Variants in LRRC20 observed in about 807,000 individuals in gnomAD.
LRRC20 encodes leucine rich repeat containing 20.
In LRRC20, 11 loss-of-function variants were observed where a neutral mutation model predicts 14.4. That is an observed-to-expected ratio of 0.77 (90% CI 0.48 to 1.27). LRRC20 has a LOEUF of 1.27. LRRC20 is among the 50% of genes most tolerant of loss of function. The pLI is 0.00. For missense variants in LRRC20, 219 were observed against 251.2 expected (o/e 0.87, Z 0.87); for synonymous variants, 121 against 107.3 (o/e 1.13, Z -0.79).
At chr10:70,339,052 T>C (rs1842817203) in intron 3 of LRRC20, among the ~76,000 whole-genome samples, 1 of 152,172 alleles carries the variant, frequency 6.6e-6, no homozygotes, top group Admixed American at 6.5e-5. Context: ...GTTTAACCAT[T>C]TGAGGAACTG....
intron 2 of LRRC20, among the ~76,000 whole-genome samples, chr10:70,356,722 G>A (rs7908663): frequency 0.76 from 115,542 of 151,450 alleles, 45,801 homozygotes; most frequent in East Asian, 0.87. Flanking sequence ...GTGGTGGCAG[G>A]TGCCTGTAGT....
At chr10:70,338,028 C>A (rs920266978) in intron 3 of LRRC20, among the ~76,000 whole-genome samples, 7 of 152,188 alleles carry the variant, frequency 4.6e-5, no homozygotes, top group Admixed American at 6.5e-5. Context: ...CTGAGTACAG[C>A]ACTAGAGGAC....
At chr10:70,303,319 A>C (rs1014582064) in intron 4 of LRRC20, among the ~76,000 whole-genome samples, 1 of 152,148 alleles carries the variant, frequency 6.6e-6, no homozygotes, top group Non-Finnish European at 1.5e-5. Flanking sequence ...AGCAGACATG[A>C]CTATCTTGGG....
intron 1 of LRRC20, among the ~76,000 whole-genome samples, chr10:70,379,049 A>T (rs1172252771): frequency 1.3e-5 from 2 of 152,206 alleles, no homozygotes; most frequent in Admixed American, 6.5e-5. Context: ...CCACACACTG[A>T]ACACAGGTGC....
chr10:70,301,172 G>A lies in LRRC20; in HGVS notation c.*182C>T. On this transcript the variant is annotated 3_prime_UTR_variant, in exon 5 of 5. Transcript: ENST00000446961. ...GGCCCCACCTTGCCTCTTCCCTTGG[G>A]CATTCCAGAGCCCACTACTGCTGTA... 7.2e-7 allele frequency: 1 copy of A among 1,385,280 alleles called. No individual in the cohort carries two copies. The highest frequency in any genetic ancestry group is 2.7e-5 in the East Asian group (1 of 36,776). 85.8% of individuals were successfully genotyped at this position (1,385,280 alleles called of 1,614,324 possible).
intron 4 of LRRC20, among the ~76,000 whole-genome samples, chr10:70,323,446 C>T (rs1842176702): frequency 6.6e-6 from 1 of 152,160 alleles, no homozygotes; most frequent in Non-Finnish European, 1.5e-5. Context: ...CTGTGCTGAA[C>T]ATGGCTGTCT....
intron 3 of LRRC20, among the ~76,000 whole-genome samples, chr10:70,328,109 C>G (rs970444812): frequency 2.6e-5 from 4 of 152,174 alleles, no homozygotes; most frequent in Non-Finnish European, 5.9e-5. Flanking sequence ...ATGAGAAGGT[C>G]TTTCCTGCCT....
intron 4 of LRRC20, among the ~76,000 whole-genome samples, chr10:70,310,963 C>T (rs146444884): frequency 6.6e-6 from 1 of 152,304 alleles, no homozygotes; most frequent in East Asian, 1.9e-4. Flanking sequence ...GAATGAATCA[C>T]TATTAATGTC....
At chr10:70,333,768 TGG>T (rs1332743878) in intron 3 of LRRC20, among the ~76,000 whole-genome samples, 2 of 152,230 alleles carry the variant, frequency 1.3e-5, no homozygotes, top group African/African-American at 4.8e-5. Context: ...CATCTGCAAT[TGG>T]GGTCTGCCCC....
intron 4 of LRRC20, 87 bp from the exon 5 acceptor site, chr10:70,301,595 C>G (rs1841187304): frequency 6.7e-7 from 1 of 1,494,490 alleles, no homozygotes; most frequent in Non-Finnish European, 9.1e-7. Context: ...CTCTGAGCAC[C>G]TGATGGTGAG....
rs558187109 is a variant in LRRC20 at position 70,382,572 on chromosome 10, T to A, written c.-87A>T. On this transcript the variant is annotated 5_prime_UTR_variant, in exon 1 of 5. Transcript: ENST00000446961. ...ACGGCGACAATGCCTCCTAGCGCCC[T>A]GCGCAGCGCAGTCACGCTCCCTCCG... The A allele has an allele frequency of 1.3e-5, 2 of 151,686 alleles. No individual in the cohort carries two copies. The highest frequency in any genetic ancestry group is 2.9e-5 in the Non-Finnish European group (2 of 67,880). The allele number at this position is 151,686 out of a possible 1,614,324, so 9.4% of individuals were successfully genotyped here.
intron 3 of LRRC20, among the ~76,000 whole-genome samples, chr10:70,334,679 G>A (rs1227886167): frequency 1.3e-5 from 2 of 152,116 alleles, no homozygotes; most frequent in Non-Finnish European, 2.9e-5. Flanking sequence ...GAACTCAGTT[G>A]CTTTAACCTA....
At chr10:70,332,592 C>G (rs746460835) in intron 3 of LRRC20, among the ~76,000 whole-genome samples, 2 of 152,132 alleles carry the variant, frequency 1.3e-5, no homozygotes, top group Non-Finnish European at 2.9e-5. Flanking sequence ...TGCAGTGAGC[C>G]GAGATTGCAC....
At chr10:70,303,210 G>A (rs1659969689) in intron 4 of LRRC20, among the ~76,000 whole-genome samples, 1 of 152,164 alleles carries the variant, frequency 6.6e-6, no homozygotes, top group Non-Finnish European at 1.5e-5. Flanking sequence ...CAAGAGAGAG[G>A]AAGTCGCATA....
intron 2 of LRRC20, among the ~76,000 whole-genome samples, chr10:70,365,347 C>A (rs555988936): frequency 1.3e-5 from 2 of 152,172 alleles, no homozygotes; most frequent in East Asian, 3.8e-4. Flanking sequence ...CGCGAGCCAC[C>A]GCGCCCGGCG....
At chr10:70,312,866 G>A (rs1197241456) in intron 4 of LRRC20, among the ~76,000 whole-genome samples, 1 of 152,210 alleles carries the variant, frequency 6.6e-6, no homozygotes, top group African/African-American at 2.4e-5. Flanking sequence ...AATAGGATGG[G>A]AAGCACGGGA....
intron 3 of LRRC20, among the ~76,000 whole-genome samples, chr10:70,337,586 C>T (rs1392151224): frequency 6.6e-6 from 1 of 152,196 alleles, no homozygotes; most frequent in African/African-American, 2.4e-5. Flanking sequence ...TTTCCCCATG[C>T]CCTCTGGGGA....
At chr10:70,350,702 G>A (rs1843267173) in intron 2 of LRRC20, among the ~76,000 whole-genome samples, 1 of 152,236 alleles carries the variant, frequency 6.6e-6, no homozygotes, top group Non-Finnish European at 1.5e-5. Context: ...GGGCCCAGAG[G>A]CGAGGGTGTC....
intron 2 of LRRC20, among the ~76,000 whole-genome samples, chr10:70,369,545 C>T (rs564700436): frequency 2.3e-4 from 31 of 133,884 alleles, no homozygotes; most frequent in South Asian, 2.2e-3. Context: ...CAGAGATTGC[C>T]GTGAGCCGAG....
Sources: gnomAD v4.1 joint callset for allele counts (sites outside exome capture counted in the v4.1 genomes callset) on GRCh38, gnomAD v4.1.1 for gene constraint, MANE v1.5 for transcripts, NCBI Gene and HGNC (gene_info 2026-07-23, HGNC 2026-07-21) for gene names.